TUBB8: variants seen among roughly 807,000 people sequenced by gnomAD.
TUBB8 encodes the protein tubulin beta 8 class VIII, also known as tubulin beta-8 chain.
In TUBB8, 25 loss-of-function variants were observed where a neutral mutation model predicts 33.7. The ratio of observed to expected loss-of-function variants is 0.74; its 90% CI spans 0.54 to 1.04. The LOEUF (loss-of-function observed/expected upper bound fraction) is 1.04. Ranked by LOEUF, TUBB8 falls within the 50% of genes least tolerant of loss-of-function variation. The probability of loss-of-function intolerance (pLI) is 0.00; values close to 1 mark genes in which losing one functional copy is unlikely to be tolerated. For synonymous variants in TUBB8, 245 were observed against 240.1 expected, an observed-to-expected ratio of 1.02 and a Z score of -0.19; for missense variants, 279 against 608.0, an observed-to-expected ratio of 0.46 and a Z score of 5.69.
intron 1 of TUBB8, among the ~76,000 whole-genome samples, chr10:59,355 A>G (rs1192102219): frequency 1.3e-5 from 2 of 152,068 alleles, no homozygotes; most frequent in East Asian, 3.9e-4. Flanking sequence ...CACCCGGCTA[A>G]TTTTTGTATT....
chr10:48,628 G>C lies in TUBB8; in HGVS notation c.264C>G (p.Asp88Glu), dbSNP rs137861850. The C allele has an allele frequency of 6.2e-7, 1 of 1,612,190 alleles. No homozygotes were observed. Among genetic ancestry groups the C allele is most frequent in the Non-Finnish European group, 8.5e-7 (1 of 1,179,766 alleles). Reference protein sequence around the residue: ...SGPFGQVFRPDNFIFGQCGAG... With the variant: ...SGPFGQVFRPENFIFGQCGAG... ...CCCGCAGCTCACCGAAGATGAAGTT[G>C]TCTGGCCTGAAGACCTGCCCGAAGG... Residue 88 changes from aspartate (D) to glutamate (E), a missense_variant, in exon 3 of 4, where the codon GAC becomes GAG. By Grantham distance (45) the Asp-to-Glu change is conservative. Around this residue, in one of 4 missense-constraint regions of TUBB8, gnomAD observed 96 missense variants for 233.7 expected, o/e 0.41. Transcript: ENST00000568584.
At position 47,788 on chromosome 10, in the gene TUBB8, T is replaced by C. The variant is rs1834372197; in HGVS notation, c.604A>G (p.Ile202Val). The C allele has an allele frequency of 2.5e-6, 4 of 1,614,116 alleles. No individual in the cohort carries two copies. The highest frequency in any genetic ancestry group is 2.5e-6 in the Non-Finnish European group (3 of 1,180,020). ...ATGTCATACAGAGCTTCGTTATCTA[T>C]GCAAAAGGTCTCATCTGCGTTTTCT... ...LIENADETFCIDNEALYDICS... is the reference protein window; with the variant it reads ...LIENADETFCVDNEALYDICS... Residue 202 changes from isoleucine to valine, a missense_variant, in exon 4 of 4, where the codon ATA becomes GTA. This residue lies in a region of TUBB8 where 96 missense variants were observed against 233.7 expected (regional missense o/e 0.41). Coordinates refer to ENST00000568584, the MANE Select transcript of TUBB8 (RefSeq NM_177987.3).
chr10:62,617 ATT>A (rs1554741048), intron 1 of TUBB8, among the ~76,000 whole-genome samples: 2 of 151,300 alleles, frequency 1.3e-5, no homozygotes, highest in African/African-American at 4.9e-5. Flanking sequence ...CTTATTGCTC[ATT>A]CACTTTTTTT....
chr10:49,522 A>G (rs1834437856), upstream of TUBB8: 15 of 641,156 alleles, frequency 2.3e-5, no homozygotes, highest in South Asian at 2.3e-4. Context: ...CTTTAGTAAG[A>G]CTAAATCCCT....
intron 1 of TUBB8, among the ~76,000 whole-genome samples, chr10:55,873 G>C (rs1834524144): frequency 6.6e-6 from 1 of 152,202 alleles, no homozygotes; most frequent in Non-Finnish European, 1.5e-5. Context: ...GTGTCATGCT[G>C]TTTTAATTAC....
intron 1 of TUBB8, among the ~76,000 whole-genome samples, chr10:56,746 T>C (rs1410529708): frequency 6.6e-6 from 1 of 152,184 alleles, no homozygotes; most frequent in East Asian, 1.9e-4. Flanking sequence ...TACATTTCAA[T>C]GTAAGATTTT....
intron 1 of TUBB8, among the ~76,000 whole-genome samples, chr10:71,358 C>G (rs1486065896): frequency 6.8e-6 from 1 of 147,900 alleles, no homozygotes; most frequent in African/African-American, 2.5e-5. Flanking sequence ...CAGGGCTGGG[C>G]GCAGTAGCTC....
downstream of TUBB8, among the ~76,000 whole-genome samples, chr10:46,632 T>G (rs1554737821): frequency 1.3e-5 from 2 of 149,820 alleles, no homozygotes. Flanking sequence ...CCCTAGAAGT[T>G]TGGTATATGG....
intron 1 of TUBB8, among the ~76,000 whole-genome samples, chr10:73,274 C>T (rs1453333591): frequency 4.6e-5 from 7 of 152,206 alleles, no homozygotes; most frequent in Admixed American, 2.0e-4. Flanking sequence ...AGTGCAGTGG[C>T]GTGAGCATGA....
At chr10:64,465 C>T (rs1834643532) in intron 1 of TUBB8, among the ~76,000 whole-genome samples, 1 of 152,008 alleles carries the variant, frequency 6.6e-6, no homozygotes, top group Non-Finnish European at 1.5e-5. Flanking sequence ...AAACCCTAAC[C>T]CCAACCCCAA....
In TUBB8 at chr10:48,050, C is replaced by G. The variant is rs782781323; in HGVS notation, c.342G>C (p.Glu114Asp). Residue 114 changes from glutamate (E) to aspartate (D), a missense_variant, in exon 4 of 4, where the codon GAG (glutamate) becomes GAC (aspartate). This residue lies in a region of TUBB8 where 96 missense variants were observed against 233.7 expected (regional missense o/e 0.41). Coordinates refer to ENST00000568584, the MANE Select transcript of TUBB8 (RefSeq NM_177987.3). ...GHYTEGAELM[E>D]SVMDVVRKEA... ...CCTTTCTGACAACGTCCATCACTGA[C>G]TCCATCAGCTCCGCGCCTTCGGTGT... 1 of 1,613,984 alleles carries G rather than the reference C, an allele frequency of 6.2e-7. No homozygotes were observed. Among genetic ancestry groups the G allele is most frequent in the South Asian group, 1.1e-5 (1 of 91,084 alleles).
intron 1 of TUBB8, among the ~76,000 whole-genome samples, chr10:55,963 A>G (rs1413661647): frequency 6.6e-6 from 1 of 152,250 alleles, no homozygotes; most frequent in Non-Finnish European, 1.5e-5. Context: ...AGCTTTGACT[A>G]TTATGGTGTT....
chr10:60,798 T>C (rs572017635), intron 1 of TUBB8, among the ~76,000 whole-genome samples: 1 of 152,190 alleles, frequency 6.6e-6, no homozygotes, highest in South Asian at 2.1e-4. Context: ...GCGGCACTAT[T>C]CACAATAGCA....
At chr10:49,781 C>T (rs201808398), upstream of TUBB8, 1 of 352,424 alleles carries the variant, frequency 2.8e-6, no homozygotes, top group South Asian at 2.2e-5. Context: ...ACAGTCAGGC[C>T]TCTGATTTAG....
intron 1 of TUBB8, among the ~76,000 whole-genome samples, chr10:64,063 A>G (rs1331300692): frequency 7.2e-5 from 11 of 152,094 alleles, no homozygotes; most frequent in Admixed American, 7.2e-4. Context: ...TCAAGTAGAG[A>G]TCTTGTTCTC....
upstream of TUBB8, among the ~76,000 whole-genome samples, chr10:75,271 C>T (rs1834796127): frequency 1.3e-5 from 2 of 151,982 alleles, no homozygotes; most frequent in Admixed American, 1.3e-4. Flanking sequence ...ATTGCTGGAG[C>T]CCAGGACACC....
At chr10:60,770 T>C (rs1236825773) in intron 1 of TUBB8, among the ~76,000 whole-genome samples, 1 of 152,124 alleles carries the variant, frequency 6.6e-6, no homozygotes, top group Non-Finnish European at 1.5e-5. Context: ...TAAAGACATA[T>C]GCACACGTAT....
At chr10:69,539 C>A (rs1479999797) in intron 1 of TUBB8, among the ~76,000 whole-genome samples, 1 of 152,234 alleles carries the variant, frequency 6.6e-6, no homozygotes, top group African/African-American at 2.4e-5. Context: ...TTTAATGGAA[C>A]CAAAGTCCAT....
chr10:66,972 C>CA (rs1354557898), intron 1 of TUBB8, among the ~76,000 whole-genome samples: 19 of 151,816 alleles, frequency 1.3e-4, no homozygotes, highest in Non-Finnish European at 2.2e-4. Flanking sequence ...GATCCTGTCT[C>CA]AAAAAAATAA....
Sources: gnomAD v4.1 joint callset for allele counts (sites outside exome capture counted in the v4.1 genomes callset) on GRCh38, gnomAD v4.1.1 for gene constraint, gnomAD v4.1.1 regional missense constraint, MANE v1.5 for transcripts, NCBI Gene and HGNC (gene_info 2026-07-23, HGNC 2026-07-21) for gene names.